CYFIP1: variants seen among roughly 807,000 people sequenced by gnomAD.
CYFIP1 encodes the protein cytoplasmic FMR1-interacting protein 1.
CYFIP1 carries 58 observed loss-of-function variants against 163.5 expected under a neutral mutation model. The ratio of observed to expected loss-of-function variants is 0.35; its 90% CI spans 0.29 to 0.44. The LOEUF (loss-of-function observed/expected upper bound fraction) is 0.44, where lower values mean the gene tolerates loss of function less well. Ranked by LOEUF, CYFIP1 falls within the 20% of genes least tolerant of loss-of-function variation. The pLI, the probability that CYFIP1 is intolerant of heterozygous loss-of-function variation, is 1.00. For synonymous variants in CYFIP1, 663 were observed against 660.7 expected (o/e 1.00, Z -0.05); for missense variants, 1,338 against 1,653.8 (o/e 0.81, Z 3.31).
intron 9 of CYFIP1, among the ~76,000 whole-genome samples, chr15:22,936,828 C>T (rs1278636725): frequency 1.3e-5 from 2 of 152,162 alleles, no homozygotes; most frequent in African/African-American, 4.8e-5. Context: ...CCAGGATGCA[C>T]CTCACAAACA....
intron 1 of CYFIP1, among the ~76,000 whole-genome samples, chr15:22,965,659 A>G (rs942943590): frequency 6.6e-6 from 1 of 152,214 alleles, no homozygotes; most frequent in Non-Finnish European, 1.5e-5. Context: ...TAAGTGATGC[A>G]TGACTGTGAT....
chr15:22,953,700 C>T lies in CYFIP1; in HGVS notation c.-6-6409G>A, dbSNP rs1050864975. On this transcript the variant is annotated intron_variant, in intron 1 of 30. Transcript: ENST00000617928. ...ATATCCAACAGCATAATTAAAGTCA[C>T]GTATTTGGAACGGCATACAAACTGT... Among the ~76,000 whole-genome samples the T allele has an allele frequency of 3.9e-5, 6 of 152,190 alleles. No individual in the cohort carries two copies. The East Asian group carries it at 9.6e-4, about 24-fold the overall frequency.
chr15:22,945,049 G>A, intron 3 of CYFIP1, 110 bp from the exon 4 acceptor site: 1 of 1,037,754 alleles, frequency 9.6e-7, no homozygotes. Context: ...TAAGCACTGT[G>A]GCCTGTGTGC....
chr15:22,887,540 C>T (rs899979944), intron 23 of CYFIP1, among the ~76,000 whole-genome samples: 2 of 152,186 alleles, frequency 1.3e-5, no homozygotes, highest in African/African-American at 4.8e-5. Flanking sequence ...AGAATTCATT[C>T]TCAGACCCGC....
intron 30 of CYFIP1, among the ~76,000 whole-genome samples, chr15:22,872,190 G>C (rs975739953): frequency 6.6e-6 from 1 of 151,696 alleles, no homozygotes; most frequent in Non-Finnish European, 1.5e-5. Context: ...AGCTACTCGG[G>C]AGGCTGAGGC....
At chr15:22,980,609 TCGGAG>T (rs1172730517), upstream of CYFIP1, among the ~76,000 whole-genome samples, 1 of 151,302 alleles carries the variant, frequency 6.6e-6, no homozygotes, top group Admixed American at 6.6e-5. Context: ...GACGGCGGGG[TCGGAG>T]CGGAGCGGGC....
intron 1 of CYFIP1, among the ~76,000 whole-genome samples, chr15:22,966,173 A>AC (rs1167229650): frequency 6.7e-6 from 1 of 149,948 alleles, no homozygotes; most frequent in Admixed American, 6.7e-5. Context: ...ACATGGAGAA[A>AC]CCCCGTCTCT....
intron 23 of CYFIP1, among the ~76,000 whole-genome samples, chr15:22,889,936 G>C (rs372143580): frequency 6.6e-6 from 1 of 152,116 alleles, no homozygotes; most frequent in African/African-American, 2.4e-5. Flanking sequence ...TTCAGAAGCA[G>C]AAGCCTCAGA....
At chr15:22,945,054 G>T in intron 3 of CYFIP1, 115 bp from the exon 4 acceptor site, 1 of 1,001,194 alleles carries the variant, frequency 1.0e-6, no homozygotes, top group Non-Finnish European at 1.6e-6. Flanking sequence ...ACTGTGGCCT[G>T]TGTGCCAAGA....
At chr15:22,980,133 G>A (rs1270134586) in intron 1 of CYFIP1, among the ~76,000 whole-genome samples, 154 bp downstream of exon 1, 1 of 143,800 alleles carries the variant, frequency 7.0e-6, no homozygotes, top group African/African-American at 2.5e-5. Flanking sequence ...GACGATCCCG[G>A]AGGCCGCGCC....
chr15:22,877,173 C>T (rs1248079096), intron 26 of CYFIP1, among the ~76,000 whole-genome samples: 1 of 152,198 alleles, frequency 6.6e-6, no homozygotes, highest in Non-Finnish European at 1.5e-5. Flanking sequence ...AGTTCTCCCA[C>T]AATTGGGTTA....
At chr15:22,879,838 A>C in intron 26 of CYFIP1, 75 bp downstream of exon 26, 2 of 1,178,898 alleles carry the variant, frequency 1.7e-6, no homozygotes, top group South Asian at 1.4e-5. Context: ...CCCGCCAAAG[A>C]AAGCCCTCCC....
intron 11 of CYFIP1, among the ~76,000 whole-genome samples, chr15:22,931,686 G>GTAAAAAAAAAAAAAAAAAAA (rs2061539568): frequency 2.5e-5 from 1 of 39,720 alleles, no homozygotes; most frequent in Non-Finnish European, 4.5e-5. Flanking sequence ...ATGTTTTTCT[G>GTAAAAAAAAAAAAAAAAAAA]AAAAAAAAAA....
At chr15:22,929,460 CGTCTCT>C in intron 11 of CYFIP1, among the ~76,000 whole-genome samples, 1 of 151,678 alleles carries the variant, frequency 6.6e-6, no homozygotes, top group Non-Finnish European at 1.5e-5. Context: ...GGTGAAACCC[CGTCTCT>C]ACTAAAAATA....
In CYFIP1 at chr15:22,923,960, A is replaced by C. The variant is rs979192980; in HGVS notation, c.1359+2022T>G. On this transcript the variant is annotated intron_variant, in intron 13 of 30. Transcript: ENST00000617928. ...TTGTCTCCAAAAAAAAAAAAAAAAA[A>C]AAAAACAAGAAAAAGAAGTTCTCAG... Among the ~76,000 whole-genome samples, 3 of 151,456 alleles carry C rather than the reference A, an allele frequency of 2.0e-5. No individual in the cohort carries two copies. The East Asian group carries it at 5.8e-4, about 29-fold the overall frequency.
chr15:22,894,162 C>T (rs548967422), intron 22 of CYFIP1, among the ~76,000 whole-genome samples: 24 of 152,162 alleles, frequency 1.6e-4, no homozygotes, highest in Non-Finnish European at 3.2e-4. Flanking sequence ...CCTCCGTCCA[C>T]CTACAATGGT....
intron 6 of CYFIP1, among the ~76,000 whole-genome samples, chr15:22,941,369 C>T (rs950044771): frequency 2.0e-5 from 3 of 152,048 alleles, no homozygotes; most frequent in East Asian, 1.9e-4. Context: ...GCCATGTTTG[C>T]TTTATTGATT....
chr15:22,910,892 C>T (rs748316667), intron 18 of CYFIP1, 79 bp from the exon 19 acceptor site: 48 of 1,248,404 alleles, frequency 3.8e-5, no homozygotes, highest in Non-Finnish European at 4.9e-5. Flanking sequence ...CAAAATGTTT[C>T]GTTAAGGCAA....
intron 8 of CYFIP1, among the ~76,000 whole-genome samples, chr15:22,938,092 G>T (rs1485411907): frequency 6.6e-6 from 1 of 152,184 alleles, no homozygotes; most frequent in African/African-American, 2.4e-5. Flanking sequence ...CCAGCAAAGG[G>T]TCCCCCAAGG....
Sources: allele counts gnomAD v4.1 joint callset (sites outside exome capture counted in the v4.1 genomes callset), GRCh38; gene constraint gnomAD v4.1.1; transcripts MANE v1.5; gene names NCBI Gene and HGNC (gene_info 2026-07-23, HGNC 2026-07-21).